Variants in ADGRL4 observed in about 807,000 individuals in gnomAD.
ADGRL4 encodes the protein EGF, latrophilin and seven transmembrane domain containing 1.
ADGRL4 carries 90 observed loss-of-function variants against 74.8 expected under a neutral mutation model. That is an observed-to-expected ratio of 1.20 (90% CI 1.02 to 1.43). The LOEUF (loss-of-function observed/expected upper bound fraction) is 1.43. ADGRL4 is among the 40% of genes most tolerant of loss of function. The pLI, the probability that ADGRL4 is intolerant of heterozygous loss-of-function variation, is 0.00. For synonymous variants in ADGRL4, 311 were observed against 279.2 expected, an observed-to-expected ratio of 1.11 and a Z score of -1.14; for missense variants, 881 against 814.3, an observed-to-expected ratio of 1.08 and a Z score of -1.00.
chr1:78,989,476 G>A (rs201344638), intron 2 of ADGRL4, among the ~76,000 whole-genome samples: 2 of 126,670 alleles, frequency 1.6e-5, no homozygotes, highest in East Asian at 4.6e-4. Flanking sequence ...TTTTTATTTT[G>A]TTTTTTTTCC....
chr1:78,934,380 T>C (rs1229475350), intron 7 of ADGRL4, among the ~76,000 whole-genome samples: 1 of 152,104 alleles, frequency 6.6e-6, no homozygotes, highest in Non-Finnish European at 1.5e-5. Context: ...ACCCCTTCCT[T>C]ACACCACAGA....
intron 2 of ADGRL4, among the ~76,000 whole-genome samples, chr1:78,955,701 A>G (rs1473344259): frequency 6.6e-6 from 1 of 151,892 alleles, no homozygotes. Flanking sequence ...CTGATGTAAA[A>G]TGTTATTTTT....
chr1:78,963,311 T>C (rs1055188727), intron 2 of ADGRL4, among the ~76,000 whole-genome samples: 1 of 152,150 alleles, frequency 6.6e-6, no homozygotes, highest in African/African-American at 2.4e-5. Flanking sequence ...TAATCAAAAA[T>C]CCACATTCCC....
At chr1:78,925,244 G>T (rs1158128483) in intron 8 of ADGRL4, among the ~76,000 whole-genome samples, 1 of 151,962 alleles carries the variant, frequency 6.6e-6, no homozygotes, top group East Asian at 1.9e-4. Context: ...ATTGTTGAGT[G>T]ACCATGAGCA....
chr1:78,891,829 A>G (rs1030346899), intron 13 of ADGRL4, 137 bp from the exon 14 acceptor site: 2 of 688,894 alleles, frequency 2.9e-6, no homozygotes, highest in Admixed American at 6.6e-5. Flanking sequence ...TAGAATTTCC[A>G]AACTGCTAAG....
chr1:78,944,916 G>C (rs1365769986), intron 3 of ADGRL4, among the ~76,000 whole-genome samples: 1 of 151,990 alleles, frequency 6.6e-6, no homozygotes, highest in Non-Finnish European at 1.5e-5. Context: ...TACCATCCCA[G>C]CACTTTGAGA....
At chr1:78,941,001 T>C (rs1649464114) in intron 3 of ADGRL4, among the ~76,000 whole-genome samples, 1 of 152,180 alleles carries the variant, frequency 6.6e-6, no homozygotes, top group African/African-American at 2.4e-5. Flanking sequence ...CAGTTCTTGT[T>C]CTTCTGACAA....
chr1:79,000,743 A>G (rs1467567794), intron 2 of ADGRL4, among the ~76,000 whole-genome samples: 1 of 152,172 alleles, frequency 6.6e-6, no homozygotes, highest in Non-Finnish European at 1.5e-5. Context: ...TACAGAAATC[A>G]TGATCCTGGA....
In ADGRL4 at chr1:78,946,438, T is replaced by A; in HGVS notation, c.173-12A>T. ...ACATTCATTATCATCTGTTGGCATA[T>A]GAATTTAAAAGATTATTTTTATATA... On this transcript the variant is annotated splice_polypyrimidine_tract_variant and intron_variant, in intron 2 of 14. Coordinates refer to ENST00000370742, the MANE Select transcript of ADGRL4 (RefSeq NM_022159.4). 1 of 1,588,390 alleles carries A rather than the reference T, an allele frequency of 6.3e-7. No individual in the cohort carries two copies.
chr1:79,001,211 G>GAGGGAGGAAGGAAGACAGAAGGAAGGA, intron 2 of ADGRL4, among the ~76,000 whole-genome samples: 6 of 71,814 alleles, frequency 8.4e-5, no homozygotes, highest in African/African-American at 3.2e-4. Context: ...GGAAGGAAGG[G>GAGGGAGGAAGGAAGACAGAAGGAAGGA]AGGAAGGGAG....
chr1:78,900,108 G>T (rs142490171), intron 12 of ADGRL4, among the ~76,000 whole-genome samples: 1 of 152,262 alleles, frequency 6.6e-6, no homozygotes, highest in African/African-American at 2.4e-5. Flanking sequence ...ACCAACAGCT[G>T]TTGCTGGCTT....
intron 7 of ADGRL4, 76 bp downstream of exon 7, chr1:78,936,219 T>C: frequency 1.4e-6 from 2 of 1,451,666 alleles, no homozygotes; most frequent in South Asian, 1.3e-5. Flanking sequence ...CATGTACATA[T>C]GACATAATCA....
In ADGRL4 at chr1:78,893,196, A is replaced by G. The variant is rs1648325784; in HGVS notation, c.1750-7T>C. 3.2e-6 allele frequency: 5 copies of G among 1,558,644 alleles called. No homozygotes were observed. The highest frequency in any genetic ancestry group is 1.4e-5 in the African/African-American group (1 of 73,084). ...CAAAAGCCAAGAGATTAACCTGGAAAAAGAATTAATTTCAAAGAAGAGATA... is the reference window on the plus strand; with the variant it reads ...CAAAAGCCAAGAGATTAACCTGGAAGAAGAATTAATTTCAAAGAAGAGATA... On this transcript the variant is annotated splice_region_variant and splice_polypyrimidine_tract_variant and intron_variant, in intron 12 of 14. Coordinates refer to ENST00000370742, the MANE Select transcript of ADGRL4 (RefSeq NM_022159.4).
intron 2 of ADGRL4, among the ~76,000 whole-genome samples, chr1:78,958,309 T>A (rs1412408839): frequency 4.6e-5 from 7 of 152,130 alleles, no homozygotes; most frequent in Non-Finnish European, 1.0e-4. Flanking sequence ...TTTATAAGGT[T>A]GTAGATGCCA....
chr1:78,967,749 A>G (rs894762355), intron 2 of ADGRL4, among the ~76,000 whole-genome samples: 1 of 152,218 alleles, frequency 6.6e-6, no homozygotes, highest in African/African-American at 2.4e-5. Context: ...TTCTTAAGTC[A>G]TTAATCTGCT....
At position 78,953,146 on chromosome 1, in the gene ADGRL4, T is replaced by C. The variant is rs544907406; in HGVS notation, c.173-6720A>G. 2.6e-4 allele frequency among the ~76,000 whole-genome samples: 39 copies of C among 152,318 alleles called. 2 individuals are homozygous for C. The Middle Eastern group carries it at 0.014, about 53-fold the overall frequency. On this transcript the variant is annotated intron_variant, in intron 2 of 14. Coordinates refer to ENST00000370742, the MANE Select transcript of ADGRL4 (RefSeq NM_022159.4). ...ATGTTTGTACATATTGGAAACCACT[T>C]ATCTTGACCATTGGAGATATGGAAA...
intron 3 of ADGRL4, among the ~76,000 whole-genome samples, chr1:78,940,740 A>G (rs1358931259): frequency 3.3e-5 from 5 of 152,192 alleles, no homozygotes; most frequent in Non-Finnish European, 7.4e-5. Flanking sequence ...TGTTTGCTGT[A>G]GAAAAAGGGT....
intron 3 of ADGRL4, among the ~76,000 whole-genome samples, chr1:78,940,523 A>G (rs1464725491): frequency 6.6e-6 from 1 of 152,184 alleles, no homozygotes; most frequent in Admixed American, 6.5e-5. Context: ...GCTTCACATT[A>G]TAAGTACAGT....
intron 12 of ADGRL4, among the ~76,000 whole-genome samples, chr1:78,906,219 T>C (rs116057857): frequency 1.2e-3 from 186 of 152,204 alleles, no homozygotes; most frequent in African/African-American, 4.2e-3. Context: ...CCTCATGCTA[T>C]AGCTTATAGC....
Sources: allele counts gnomAD v4.1 joint callset (sites outside exome capture counted in the v4.1 genomes callset), GRCh38; gene constraint gnomAD v4.1.1; transcripts MANE v1.5; gene names NCBI Gene and HGNC (gene_info 2026-07-23, HGNC 2026-07-21).